Variants in RSPH1 observed in about 807,000 individuals in gnomAD.
The protein encoded by RSPH1 is radial spoke head 1 homolog.
RSPH1 carries 32 observed loss-of-function variants against 44.2 expected under a neutral mutation model. The ratio of observed to expected loss-of-function variants is 0.72; its 90% CI spans 0.55 to 0.97. The LOEUF (loss-of-function observed/expected upper bound fraction) is 0.97, where lower values mean the gene tolerates loss of function less well. RSPH1 is among the 50% of genes least tolerant of loss of function. The pLI is 0.00. For missense variants in RSPH1, 391 were observed against 398.7 expected (o/e 0.98, Z 0.16); for synonymous variants, 134 against 147.3 (o/e 0.91, Z 0.65).
At chr21:42,478,309 A>G (rs958053201) in intron 6 of RSPH1, among the ~76,000 whole-genome samples, 16 of 152,244 alleles carry the variant, frequency 1.1e-4, no homozygotes, top group African/African-American at 3.6e-4. Context: ...TGGGAAATCA[A>G]TTACTCTCTA....
rs1601623328 is a variant in RSPH1, at chr21:42,475,989, C to T, written c.786G>A (p.Met262Ile). 1 of 1,613,376 alleles carries T rather than the reference C, an allele frequency of 6.2e-7. No homozygotes were observed. The highest frequency in any genetic ancestry group is 8.5e-7 in the Non-Finnish European group (1 of 1,179,850). Residue 262 changes from methionine to isoleucine, a missense_variant, in exon 8 of 9, where the codon ATG becomes ATA. Physicochemically the swap from Met to Ile is conservative, Grantham distance 10. Coordinates refer to ENST00000291536, the MANE Select transcript of RSPH1 (RefSeq NM_080860.4). ...CATCTTCATCTCCAGGCCTCATGTC[C>T]ATCTCACCCTCGAAGCCCTCCAGCA... ...QALLEGFEGEMDMRPGDEDAD... is the reference protein window; with the variant it reads ...QALLEGFEGEIDMRPGDEDAD...
At position 42,486,370 on chromosome 21, in the gene RSPH1, C is replaced by T. The variant is rs2054180793; in HGVS notation, c.365+1G>A. ...GTTAAGACCCAAGATAGAAACCGAACCTTTGATGAGCAAACCACTCTCCAG... is the reference window on the plus strand; with the variant it reads ...GTTAAGACCCAAGATAGAAACCGAATCTTTGATGAGCAAACCACTCTCCAG... On this transcript the variant is annotated splice_donor_variant, in intron 4 of 8. Transcript: ENST00000291536. LOFTEE classifies it high-confidence loss of function. 1 of 1,610,056 alleles carries T rather than the reference C, an allele frequency of 6.2e-7. No homozygotes were observed. The highest frequency in any genetic ancestry group is 8.5e-7 in the Non-Finnish European group (1 of 1,176,296).
At chr21:42,488,995 G>A (rs1379943779) in intron 3 of RSPH1, among the ~76,000 whole-genome samples, 1 of 151,840 alleles carries the variant, frequency 6.6e-6, no homozygotes, top group East Asian at 1.9e-4. Flanking sequence ...CCAGTTGGTT[G>A]GTTGGTTGGT....
rs182463749 is a variant in RSPH1, at chr21:42,476,890, A to G, written c.727+401T>C. ...AACTGACCCAGCATCTGATTTTCAG[A>G]GAGTCCAACCACACCTGGCCTGAAA... is the stretch of plus-strand genomic sequence containing the variant. On this transcript the variant is annotated intron_variant, in intron 7 of 8. Coordinates refer to ENST00000291536, the MANE Select transcript of RSPH1 (RefSeq NM_080860.4). Among the ~76,000 whole-genome samples, 565 of 152,278 alleles carry G rather than the reference A, an allele frequency of 3.7e-3. 4 individuals are homozygous for G. The highest frequency in any genetic ancestry group is 7.1e-3 in the Admixed American group (109 of 15,306).
intron 6 of RSPH1, among the ~76,000 whole-genome samples, chr21:42,478,466 C>T (rs750244977): frequency 5.3e-5 from 8 of 152,210 alleles, no homozygotes; most frequent in African/African-American, 7.2e-5. Flanking sequence ...GTTTCAGATT[C>T]GGCAGGTCTG....
chr21:42,477,125 A>G lies in RSPH1; in HGVS notation c.727+166T>C, dbSNP rs11700635. Among the ~76,000 whole-genome samples the G allele has an allele frequency of 0.39, 4,068 of 10,438 alleles. 681 individuals are homozygous for G. The highest frequency in any genetic ancestry group is 0.44 in the Middle Eastern group (8 of 18). The allele number at this position is 10,438 out of a possible 152,430, so 6.8% of individuals were successfully genotyped here. ...GCCCCCTCCACTCCACAGCCCGGGG[A>G]TGCCCCACACCCTCTGCCCCCTCCA... On this transcript the variant is annotated intron_variant, in intron 7 of 8. Coordinates refer to ENST00000291536, the MANE Select transcript of RSPH1 (RefSeq NM_080860.4).
intron 3 of RSPH1, among the ~76,000 whole-genome samples, chr21:42,488,052 T>C (rs932614300): frequency 2.6e-5 from 4 of 152,064 alleles, no homozygotes; most frequent in Non-Finnish European, 5.9e-5. Flanking sequence ...AAAAAGTGGG[T>C]AAGTCATTCA....
intron 3 of RSPH1, among the ~76,000 whole-genome samples, chr21:42,491,325 A>G (rs1164289046): frequency 2.0e-5 from 3 of 152,212 alleles, no homozygotes; most frequent in African/African-American, 7.2e-5. Flanking sequence ...TTGGAAACTC[A>G]GTTGGTGTTC....
rs1206949839 is a variant in RSPH1, at chr21:42,474,766, GCGCT to G, written c.877+1128_877+1131del. Reference sequence around the variant, plus strand: ...CTGCGTCACTGGGTGCATTGCTACAGCGCTCAGGGGAATTACCGATCACGAAAGT... The same window carrying G: ...CTGCGTCACTGGGTGCATTGCTACAGCAGGGGAATTACCGATCACGAAAGT... On this transcript the variant is annotated intron_variant, in intron 8 of 8. Transcript: ENST00000291536. The surrounding 1 kb of genome is among the most constrained non-coding windows in gnomAD (Gnocchi z 5.2). Among the ~76,000 whole-genome samples, 16 of 148,194 alleles carry G rather than the reference GCGCT, an allele frequency of 1.1e-4. No individual in the cohort carries two copies. The highest frequency in any genetic ancestry group is 2.1e-4 in the Non-Finnish European group (14 of 67,982).
At chr21:42,489,356 C>T (rs1319708836) in intron 3 of RSPH1, among the ~76,000 whole-genome samples, 1 of 148,318 alleles carries the variant, frequency 6.7e-6, no homozygotes, top group East Asian at 2.0e-4. Context: ...TGATTGGTTG[C>T]TTGGTTGGCT....
intron 5 of RSPH1, among the ~76,000 whole-genome samples, chr21:42,483,007 A>G (rs1159707257): frequency 2.6e-5 from 4 of 152,190 alleles, no homozygotes; most frequent in Non-Finnish European, 5.9e-5. Context: ...TACTACTAAT[A>G]TTTTGATGCA....
chr21:42,490,486 A>C (rs1198998939), intron 3 of RSPH1, among the ~76,000 whole-genome samples: 1 of 152,174 alleles, frequency 6.6e-6, no homozygotes, highest in Non-Finnish European at 1.5e-5. Flanking sequence ...CTCAGTTTCC[A>C]TTGCTGCCTT....
intron 8 of RSPH1, among the ~76,000 whole-genome samples, chr21:42,473,877 T>G (rs2054018059): frequency 6.6e-6 from 1 of 151,964 alleles, no homozygotes. Flanking sequence ...GCCTCCCAAG[T>G]CTCCAGACAT....
At chr21:42,475,772 C>G in intron 8 of RSPH1, 126 bp downstream of exon 8, 1 of 1,069,128 alleles carries the variant, frequency 9.4e-7, no homozygotes, top group Non-Finnish European at 1.3e-6. Context: ...ACAGGGGGCC[C>G]CCTAAGCCTT....
chr21:42,479,101 A>G (rs1392102103), intron 6 of RSPH1, among the ~76,000 whole-genome samples: 1 of 152,240 alleles, frequency 6.6e-6, no homozygotes, highest in East Asian at 1.9e-4. Context: ...ATGCTTTAAA[A>G]TGGCAAATTT....
chr21:42,476,291 A>C lies in RSPH1; in HGVS notation c.728-244T>G, dbSNP rs116753329. Among the ~76,000 whole-genome samples the C allele has an allele frequency of 0.015, 2,324 of 152,010 alleles. 65 individuals are homozygous for C. The highest frequency in any genetic ancestry group is 0.053 in the African/African-American group (2,211 of 41,440). On this transcript the variant is annotated intron_variant, in intron 7 of 8. Coordinates refer to ENST00000291536, the MANE Select transcript of RSPH1 (RefSeq NM_080860.4). ...GGTAGTCTGATAACTTTCATTCCTG[A>C]GGGTGTTGATGAGACTCTTGAGAAA... is the stretch of plus-strand genomic sequence containing the variant.
intron 6 of RSPH1, among the ~76,000 whole-genome samples, chr21:42,479,682 A>C (rs552506803): frequency 6.6e-6 from 1 of 151,892 alleles, no homozygotes; most frequent in Non-Finnish European, 1.5e-5. Context: ...CAAATCCTAA[A>C]GCCGACTGTC....
Position 42,493,662 on chromosome 21 carries a change from T to A in RSPH1, c.55-583A>T, listed in dbSNP as rs553289863. Among the ~76,000 whole-genome samples, 4 of 152,324 alleles carry A rather than the reference T, an allele frequency of 2.6e-5. No individual in the cohort carries two copies. In the South Asian group the frequency reaches 6.2e-4, roughly 24 times the overall value. ...GAGTACACAGGGCTCCCTTGCTGAT[T>A]AAGTTTATCTTATTTTTAAGACCCC... is the stretch of plus-strand genomic sequence containing the variant. On this transcript the variant is annotated intron_variant, in intron 1 of 8. Coordinates refer to ENST00000291536, the MANE Select transcript of RSPH1 (RefSeq NM_080860.4).
intron 6 of RSPH1, among the ~76,000 whole-genome samples, chr21:42,481,688 G>T (rs1160722401): frequency 1.3e-5 from 2 of 152,108 alleles, no homozygotes; most frequent in African/African-American, 2.4e-5. Context: ...AAGTCAAAAG[G>T]ATCAAAACCA....
Sources: gnomAD v4.1 joint callset for allele counts (sites outside exome capture counted in the v4.1 genomes callset) on GRCh38, gnomAD v4.1.1 for gene constraint, Gnocchi (gnomAD v3.1) non-coding constraint, MANE v1.5 for transcripts, NCBI Gene and HGNC (gene_info 2026-07-23, HGNC 2026-07-21) for gene names.